The following DTYMK variants were observed in gnomAD, a reference collection of about 807,000 sequenced individuals.
The protein encoded by DTYMK is thymidylate kinase.
Under a neutral mutation model 20.3 loss-of-function variants are expected in DTYMK, and 20 were observed. The observed-to-expected ratio is 0.99, with a 90% CI of 0.69 to 1.43. The LOEUF (loss-of-function observed/expected upper bound fraction) is 1.43. Ranked by LOEUF, DTYMK falls within the 40% of genes most tolerant of loss-of-function variation. The pLI is 0.00. For missense variants in DTYMK, 320 were observed against 291.1 expected (o/e 1.10, Z -0.72); for synonymous variants, 148 against 124.4 (o/e 1.19, Z -1.27).
In DTYMK at chr2:241,686,159, T is replaced by C. The variant is rs142512297; in HGVS notation, c.131-282A>G. Among the ~76,000 whole-genome samples, 1,105 of 152,298 alleles carry C rather than the reference T, an allele frequency of 7.3e-3. 47 individuals carry two copies. Among genetic ancestry groups the C allele is most frequent in the East Asian group, 3.3e-3 (17 of 5,190 alleles). On this transcript the variant is annotated intron_variant, in intron 1 of 4. Transcript: ENST00000305784. ...GCATTTATAAAATTTGTGGACTGGG[T>C]GGCCAAAGATTAAGGTCAATGCTTC...
At chr2:241,683,321 A>C (rs2069308759) in intron 2 of DTYMK, among the ~76,000 whole-genome samples, 1 of 152,228 alleles carries the variant, frequency 6.6e-6, no homozygotes, top group Admixed American at 6.5e-5. Flanking sequence ...TGAGAATGCA[A>C]GATGCTGCAG....
Position 241,686,745 on chromosome 2 carries a change from G to A in DTYMK, c.39C>T (p.Gly13=), listed in dbSNP as rs1230286797. ...GCGTGCTCTTCCCGGCGCGGTCCAC[G>A]CCCTCCAGCACTATGAGAGCCCCGC... ...ARRGALIVLE[G]VDRAGKSTQS... The change falls in exon 1 of 5, where the codon GGC becomes GGT. Residue 13 remains glycine (G), a synonymous_variant. Transcript: ENST00000305784. 2 of 1,542,308 alleles carry A rather than the reference G, an allele frequency of 1.3e-6. No individual in the cohort carries two copies. The highest frequency in any genetic ancestry group is 1.4e-5 in the African/African-American group (1 of 70,130).
intron 2 of DTYMK, among the ~76,000 whole-genome samples, chr2:241,684,527 C>A (rs2069334547): frequency 6.6e-6 from 1 of 152,022 alleles, no homozygotes; most frequent in South Asian, 2.1e-4. Context: ...AATGCGACGA[C>A]AATTAAAGAG....
At chr2:241,677,237 G>A (rs938925681) in intron 4 of DTYMK, among the ~76,000 whole-genome samples, 2 of 152,176 alleles carry the variant, frequency 1.3e-5, no homozygotes, top group African/African-American at 2.4e-5. Context: ...TGACCGTGAC[G>A]GAAGGAGAGT....
chr2:241,682,897 C>T (rs1479195435), intron 2 of DTYMK: 4 of 158,048 alleles, frequency 2.5e-5, no homozygotes, highest in African/African-American at 9.6e-5. Context: ...GCACTCCAGT[C>T]TGGGCGACAA....
Position 241,677,119 on chromosome 2 carries a change from G to A in DTYMK, c.529-882C>T, listed in dbSNP as rs144702653. The stretch of plus-strand genomic sequence containing the variant: ...GCATCTCAGCGGCATCCCGGCTTCT[G>A]CTGTCGGGTGGCACCGGACCCTTCT... On this transcript the variant is annotated intron_variant, in intron 4 of 4. Transcript: ENST00000305784. Among the ~76,000 whole-genome samples the A allele has an allele frequency of 6.5e-3, 991 of 152,388 alleles. 5 individuals are homozygous for A. The highest frequency in any genetic ancestry group is 0.023 in the African/African-American group (947 of 41,600).
chr2:241,679,245 G>A (rs1053459835), intron 3 of DTYMK, among the ~76,000 whole-genome samples: 1 of 152,144 alleles, frequency 6.6e-6, no homozygotes, highest in African/African-American at 2.4e-5. Flanking sequence ...TGTTTCCGGA[G>A]GAAAGGTAGG....
chr2:241,685,836 G>GC lies in DTYMK; in HGVS notation c.171dup (p.Gln58AlafsTer5). On this transcript the variant is annotated frameshift_variant, in exon 2 of 5. Transcript: ENST00000305784. LOFTEE classifies it high-confidence loss of function. ...TGATCCTCCACGTCACTTTTCTTTT[G>GC]CAAGTAGGAACTCAGAAGTTTGCCG... 1.2e-6 allele frequency: 2 copies of GC among 1,614,126 alleles called. No homozygotes were observed. Among genetic ancestry groups the GC allele is most frequent in the Non-Finnish European group, 1.7e-6 (2 of 1,180,012 alleles).
Position 241,676,065 on chromosome 2 carries a change from C to A in DTYMK, c.*62G>T. 2.0e-6 allele frequency: 3 copies of A among 1,495,552 alleles called. 1 individual carries two copies. The East Asian group carries it at 7.1e-5, about 36-fold the overall frequency. The allele number at this position is 1,495,552 out of a possible 1,614,324, so 92.6% of individuals were successfully genotyped here. On this transcript the variant is annotated 3_prime_UTR_variant, in exon 5 of 5. Transcript: ENST00000305784. ...TGGACTCTGCTGGGGACGGGGCCTT[C>A]CGCGAGTCTCCCACCTCTCGGGGGA...
intron 2 of DTYMK, chr2:241,684,694 TAAA>T (rs1208920672): frequency 4.3e-6 from 2 of 460,976 alleles, no homozygotes; most frequent in South Asian, 3.2e-5. Context: ...TAAATGTAAA[TAAA>T]AACATTGAAA....
Position 241,676,250 on chromosome 2 carries a change from G to A in DTYMK, c.529-13C>T, listed in dbSNP as rs983761272. ...AAGCATCCACCATCTGTTCCCACCG[G>A]GGTTTCAGGAGAAAAAGAGGCTCAT... On this transcript the variant is annotated splice_polypyrimidine_tract_variant and intron_variant, in intron 4 of 4. Transcript: ENST00000305784. 1.2e-6 allele frequency: 2 copies of A among 1,605,028 alleles called. No homozygotes were observed. Among genetic ancestry groups the A allele is most frequent in the African/African-American group, 2.7e-5 (2 of 74,824 alleles).
In DTYMK at chr2:241,686,799, G is replaced by A; in HGVS notation, c.-16C>T. ...GGGCCGCCATGACTGTCCACCGCCC[G>A]CCGCTGGCGTCTCCACGCAGCCTTC... On this transcript the variant is annotated 5_prime_UTR_variant, in exon 1 of 5. Transcript: ENST00000305784. 1 of 1,444,470 alleles carries A rather than the reference G, an allele frequency of 6.9e-7. No individual in the cohort carries two copies. The highest frequency in any genetic ancestry group is 1.5e-5 in the South Asian group (1 of 68,668). 89.5% of individuals were successfully genotyped at this position (1,444,470 alleles called of 1,614,324 possible).
chr2:241,686,595 G>A (rs996292274), intron 1 of DTYMK, 59 bp downstream of exon 1: 2 of 1,430,220 alleles, frequency 1.4e-6, no homozygotes, highest in African/African-American at 1.5e-5. Flanking sequence ...GGAGCAAAGA[G>A]CCCCTGGGAA....
chr2:241,685,541 G>T, intron 2 of DTYMK: 1 of 390,828 alleles, frequency 2.6e-6, no homozygotes, highest in East Asian at 3.8e-5. Context: ...CCGAAAAACT[G>T]AAGTCTATTA....
At chr2:241,678,757 G>T in intron 3 of DTYMK, 108 bp from the exon 4 acceptor site, 1 of 1,217,762 alleles carries the variant, frequency 8.2e-7, no homozygotes, top group Non-Finnish European at 1.2e-6. Flanking sequence ...GTACCAAGAT[G>T]TGAGACTGTT....
At chr2:241,684,292 C>A (rs1054130152) in intron 2 of DTYMK, among the ~76,000 whole-genome samples, 1 of 152,118 alleles carries the variant, frequency 6.6e-6, no homozygotes, top group African/African-American at 2.4e-5. Context: ...CCACAAAAAG[C>A]AAAATCAGAA....
chr2:241,681,763 G>A (rs1006376302), intron 2 of DTYMK, among the ~76,000 whole-genome samples: 1 of 152,224 alleles, frequency 6.6e-6, no homozygotes, highest in Non-Finnish European at 1.5e-5. Context: ...AGGACAGCCG[G>A]ACGTGGTGGC....
chr2:241,677,336 G>A (rs2069140184), intron 4 of DTYMK, among the ~76,000 whole-genome samples: 1 of 152,236 alleles, frequency 6.6e-6, no homozygotes, highest in South Asian at 2.1e-4. Context: ...CCCAAGATGA[G>A]CCTCTCCGGG....
rs745912790 is a variant in DTYMK at position 241,686,714 on chromosome 2, G to A, written c.70C>T (p.Arg24Cys). 6 of 1,543,900 alleles carry A rather than the reference G, an allele frequency of 3.9e-6. No homozygotes were observed. In the South Asian group the frequency reaches 5.9e-5, roughly 15 times the overall value. Residue 24 changes from arginine to cysteine, a missense_variant, in exon 1 of 5, where the codon CGC becomes TGC. Arg to Cys is a radical substitution (Grantham distance 180, BLOSUM62 -3). Coordinates refer to ENST00000305784, the MANE Select transcript of DTYMK (RefSeq NM_012145.4). ...GCGCACAGCGCTTCCACCAGCTTGC[G>A]GCTCTGCGTGCTCTTCCCGGCGCGG... ...VDRAGKSTQSRKLVEALCAAG... is the reference protein window; with the variant it reads ...VDRAGKSTQSCKLVEALCAAG...
Sources: allele counts gnomAD v4.1 joint callset (sites outside exome capture counted in the v4.1 genomes callset), GRCh38; gene constraint gnomAD v4.1.1; transcripts MANE v1.5; gene names NCBI Gene and HGNC (gene_info 2026-07-23, HGNC 2026-07-21).